NTM: variants seen among roughly 807,000 people sequenced by gnomAD.
NTM encodes the protein IgLON family member 2.
NTM carries 13 observed loss-of-function variants against 42.1 expected under a neutral mutation model. That is an observed-to-expected ratio of 0.31 (90% CI 0.20 to 0.49). The LOEUF (loss-of-function observed/expected upper bound fraction) is 0.49. Among genes scored for constraint, NTM ranks in the 20% least tolerant of loss-of-function variants. NTM has a pLI of 0.99. For synonymous variants in NTM, 187 were observed against 179.2 expected (o/e 1.04, Z -0.35); for missense variants, 373 against 452.8 (o/e 0.82, Z 1.60).
rs183666562 is a variant in NTM at position 132,241,853 on chromosome 11, G to A, written c.526+29706G>A. ...TATAGTACATTCATCAAGCCCAATT[G>A]CCCATACACAGTACAATTCTCTGTT... On this transcript the variant is annotated intron_variant, in intron 4 of 8. Transcript: ENST00000683400. Among the ~76,000 whole-genome samples the A allele has an allele frequency of 2.0e-5, 3 of 152,192 alleles. No individual in the cohort carries two copies. In the South Asian group the frequency reaches 6.2e-4, roughly 32 times the overall value.
At chr11:132,130,601 G>A (rs1223637524) in intron 2 of NTM, among the ~76,000 whole-genome samples, 1 of 152,004 alleles carries the variant, frequency 6.6e-6, no homozygotes, top group Non-Finnish European at 1.5e-5. Flanking sequence ...TCGTATTTTA[G>A]TAATTGGCAT....
intron 2 of NTM, among the ~76,000 whole-genome samples, chr11:131,992,001 T>C (rs757614551): frequency 4.6e-5 from 7 of 152,180 alleles, no homozygotes; most frequent in Non-Finnish European, 7.3e-5. Flanking sequence ...CAATCTAACT[T>C]GGGAAAGAAA....
intron 1 of NTM, among the ~76,000 whole-genome samples, chr11:131,665,019 G>A (rs1043716898): frequency 1.3e-5 from 2 of 152,112 alleles, no homozygotes; most frequent in Admixed American, 1.3e-4. Context: ...TGCAGCCACG[G>A]ATGGGTACCC....
At chr11:131,720,076 A>G (rs761712826) in intron 1 of NTM, among the ~76,000 whole-genome samples, 9 of 152,190 alleles carry the variant, frequency 5.9e-5, no homozygotes, top group Non-Finnish European at 1.2e-4. Context: ...ATGATCCAAA[A>G]AAGGAGATGG....
intron 3 of NTM, among the ~76,000 whole-genome samples, chr11:132,187,434 T>C (rs1377629276): frequency 1.3e-5 from 2 of 152,178 alleles, no homozygotes; most frequent in Non-Finnish European, 2.9e-5. Context: ...CTGCTCAGTG[T>C]GCTTGGGAAA....
At chr11:132,176,722 G>T (rs374482084) in intron 3 of NTM, among the ~76,000 whole-genome samples, 55 of 82,012 alleles carry the variant, frequency 6.7e-4, no homozygotes, top group South Asian at 2.2e-3. Flanking sequence ...CATGCCTAAA[G>T]TTTTTTTTTT....
rs536316647 is a variant in NTM at position 131,664,604 on chromosome 11, C to T, written c.83-246960C>T. On this transcript the variant is annotated intron_variant, in intron 1 of 8. Transcript: ENST00000683400. The stretch of plus-strand genomic sequence containing the variant: ...AGGTACCAAATGAACACGCGCCATA[C>T]GTTGCGGTTCCCGTGTCTTCTTCCT... Among the ~76,000 whole-genome samples, 6 of 152,184 alleles carry T rather than the reference C, an allele frequency of 3.9e-5. No homozygotes were observed. In the South Asian group the frequency reaches 1.0e-3, roughly 26 times the overall value.
chr11:131,889,723 G>T (rs909170984), intron 1 of NTM, among the ~76,000 whole-genome samples: 1 of 152,142 alleles, frequency 6.6e-6, no homozygotes, highest in African/African-American at 2.4e-5. Context: ...AACAGAGTGG[G>T]AAGTGCAAAG....
intron 4 of NTM, among the ~76,000 whole-genome samples, chr11:132,278,747 CT>C (rs2093838966): frequency 1.6e-5 from 1 of 61,436 alleles, no homozygotes; most frequent in African/African-American, 6.4e-5. Context: ...TTGGGCTTCT[CT>C]CTCTCTCTCT....
At chr11:132,012,395 G>A (rs2072406457) in intron 2 of NTM, among the ~76,000 whole-genome samples, 1 of 152,112 alleles carries the variant, frequency 6.6e-6, no homozygotes, top group African/African-American at 2.4e-5. Context: ...ATGAAAAAGT[G>A]GACTTAAGCC....
chr11:131,572,930 G>A (rs1361962755), intron 1 of NTM, among the ~76,000 whole-genome samples: 5 of 152,148 alleles, frequency 3.3e-5, no homozygotes, highest in Admixed American at 1.3e-4. Flanking sequence ...GGACCATGTC[G>A]CCGTCACCTC....
chr11:131,430,812 C>T (rs942034912), intron 1 of NTM, among the ~76,000 whole-genome samples: 1 of 152,222 alleles, frequency 6.6e-6, no homozygotes. Context: ...CAGCCAGGAC[C>T]TTTCTGGGCC....
At chr11:131,952,994 A>C (rs2061181507) in intron 2 of NTM, among the ~76,000 whole-genome samples, 1 of 152,186 alleles carries the variant, frequency 6.6e-6, no homozygotes, top group South Asian at 2.1e-4. Flanking sequence ...TATAAGAAAT[A>C]CACACTAACT....
At chr11:131,994,004 CAAAA>C (rs745908192) in intron 2 of NTM, among the ~76,000 whole-genome samples, 1 of 95,560 alleles carries the variant, frequency 1.0e-5, no homozygotes, top group Admixed American at 1.1e-4. Flanking sequence ...ACTCCATCTC[CAAAA>C]AAAAAAAAAA....
rs111552518 is a variant in NTM, at chr11:131,564,671, C to T, written c.82+193783C>T. On this transcript the variant is annotated intron_variant, in intron 1 of 8. Transcript: ENST00000683400. ...TCACCTCCAAGAGTTTCTTCATGTC[C>T]ATTCATTTTACTTCTTTTATTTTAA... 1.1e-3 allele frequency among the ~76,000 whole-genome samples: 161 copies of T among 152,204 alleles called. 1 individual carries two copies. Among genetic ancestry groups the T allele is most frequent in the Non-Finnish European group, 1.7e-3 (118 of 68,022 alleles).
intron 2 of NTM, among the ~76,000 whole-genome samples, chr11:132,113,181 C>T (rs966178596): frequency 7.2e-5 from 11 of 152,204 alleles, no homozygotes; most frequent in African/African-American, 1.9e-4. Flanking sequence ...GCTCTACTTG[C>T]GAGTCTTGTG....
At chr11:131,844,129 C>A (rs1252433628) in intron 1 of NTM, among the ~76,000 whole-genome samples, 1 of 152,020 alleles carries the variant, frequency 6.6e-6, no homozygotes, top group Non-Finnish European at 1.5e-5. Context: ...AAAATACCTG[C>A]TTATATTTGT....
intron 1 of NTM, among the ~76,000 whole-genome samples, chr11:131,614,145 G>A (rs1245176593): frequency 6.6e-6 from 1 of 152,164 alleles, no homozygotes; most frequent in Non-Finnish European, 1.5e-5. Context: ...TGAACTAGAA[G>A]CACAGACTTT....
intron 3 of NTM, among the ~76,000 whole-genome samples, chr11:132,148,645 C>T (rs1484237364): frequency 2.6e-5 from 4 of 152,112 alleles, no homozygotes; most frequent in Non-Finnish European, 4.4e-5. Context: ...CTTTCTTCAG[C>T]CACCCCCACT....
Sources: allele counts gnomAD v4.1 joint callset (sites outside exome capture counted in the v4.1 genomes callset), GRCh38; gene constraint gnomAD v4.1.1; transcripts MANE v1.5; gene names NCBI Gene and HGNC (gene_info 2026-07-23, HGNC 2026-07-21).